The following ZFPM2 variants were observed in gnomAD, a reference collection of about 807,000 sequenced individuals.
ZFPM2 encodes zinc finger protein ZFPM2.
In ZFPM2, 20 loss-of-function variants were observed where a neutral mutation model predicts 98.6. The ratio of observed to expected loss-of-function variants is 0.20; its 90% CI spans 0.14 to 0.29. ZFPM2 has a LOEUF of 0.29. ZFPM2 is among the 10% of genes least tolerant of loss of function. ZFPM2 has a pLI of 1.00. For synonymous variants in ZFPM2, 518 were observed against 502.7 expected (o/e 1.03, Z -0.41); for missense variants, 1,310 against 1,388.6 (o/e 0.94, Z 0.90).
At chr8:105,653,810 A>G (rs557455313) in intron 5 of ZFPM2, among the ~76,000 whole-genome samples, 4 of 143,780 alleles carry the variant, frequency 2.8e-5, no homozygotes, top group South Asian at 4.6e-4. Context: ...AGAATGTTGA[A>G]AAGTTCTTCC....
intron 4 of ZFPM2, among the ~76,000 whole-genome samples, chr8:105,580,025 TA>T (rs963946474): frequency 6.6e-6 from 1 of 152,284 alleles, no homozygotes; most frequent in Admixed American, 6.5e-5. Context: ...CACACAGATG[TA>T]AAATAGTTCT....
chr8:105,324,616 G>A (rs1812083753), intron 1 of ZFPM2, among the ~76,000 whole-genome samples: 1 of 151,940 alleles, frequency 6.6e-6, no homozygotes, highest in South Asian at 2.1e-4. Context: ...TAGTATCGAT[G>A]TTTTTGTTCT....
Position 105,644,494 on chromosome 8 carries a change from GTCTC to G in ZFPM2, c.532+10145_532+10148del, listed in dbSNP as rs370652025. On this transcript the variant is annotated intron_variant, in intron 5 of 7. Coordinates refer to ENST00000407775, the MANE Select transcript of ZFPM2 (RefSeq NM_012082.4). ...CTAACTACCCTGTCTAAAATGCTCTGTCTCTCTCTCTTTCTGTTTTTCTCTCTCT... is the reference window on the plus strand; with the variant it reads ...CTAACTACCCTGTCTAAAATGCTCTGTCTCTCTTTCTGTTTTTCTCTCTCT... Among the ~76,000 whole-genome samples the G allele has an allele frequency of 2.0e-3, 299 of 151,234 alleles. 1 individual carries two copies. Among genetic ancestry groups the G allele is most frequent in the African/African-American group, 7.0e-3 (287 of 41,202 alleles).
intron 3 of ZFPM2, among the ~76,000 whole-genome samples, chr8:105,457,037 T>C (rs1812607097): frequency 6.6e-6 from 1 of 152,190 alleles, no homozygotes; most frequent in Non-Finnish European, 1.5e-5. Context: ...TTTTGTGAGG[T>C]TTATCATTTG....
intron 5 of ZFPM2, among the ~76,000 whole-genome samples, chr8:105,744,683 G>A (rs1384193998): frequency 3.3e-5 from 5 of 151,718 alleles, no homozygotes; most frequent in Admixed American, 1.3e-4. Context: ...GCCTACATCA[G>A]CTCTATTTGA....
chr8:105,413,516 A>G (rs1394871167), intron 1 of ZFPM2, among the ~76,000 whole-genome samples: 2 of 149,112 alleles, frequency 1.3e-5, no homozygotes, highest in African/African-American at 2.5e-5. Flanking sequence ...ATACACACAC[A>G]CACGCACATA....
At chr8:105,450,717 T>G (rs757219664) in intron 3 of ZFPM2, among the ~76,000 whole-genome samples, 1 of 151,980 alleles carries the variant, frequency 6.6e-6, no homozygotes, top group Non-Finnish European at 1.5e-5. Flanking sequence ...TGTGTGTGTG[T>G]GCTCACGTGT....
chr8:105,386,785 G>C (rs191614947), intron 1 of ZFPM2, among the ~76,000 whole-genome samples: 2 of 152,108 alleles, frequency 1.3e-5, no homozygotes, highest in Admixed American at 1.3e-4. Context: ...TGATTGGTCC[G>C]TTTTGACAGG....
At chr8:105,398,766 A>G (rs909109811) in intron 1 of ZFPM2, among the ~76,000 whole-genome samples, 1 of 152,158 alleles carries the variant, frequency 6.6e-6, no homozygotes, top group African/African-American at 2.4e-5. Flanking sequence ...ATGTATATAT[A>G]TACATATTGG....
intron 3 of ZFPM2, among the ~76,000 whole-genome samples, chr8:105,549,637 G>T (rs1176952368): frequency 6.8e-6 from 1 of 147,326 alleles, no homozygotes; most frequent in Non-Finnish European, 1.5e-5. Context: ...ATTGAGACAG[G>T]GGCTCACTCT....
intron 3 of ZFPM2, among the ~76,000 whole-genome samples, chr8:105,537,535 A>G (rs1290554014): frequency 6.6e-6 from 1 of 151,968 alleles, no homozygotes; most frequent in Admixed American, 6.6e-5. Flanking sequence ...CATAATAAAT[A>G]ACTTAGGCAT....
intron 1 of ZFPM2, among the ~76,000 whole-genome samples, chr8:105,381,617 C>T (rs1450888109): frequency 1.3e-5 from 2 of 152,018 alleles, no homozygotes; most frequent in African/African-American, 4.8e-5. Context: ...ACACATTTGT[C>T]CAATAACAGA....
At chr8:105,642,328 TA>T (rs1816963357) in intron 5 of ZFPM2, among the ~76,000 whole-genome samples, 1 of 152,174 alleles carries the variant, frequency 6.6e-6, no homozygotes, top group Non-Finnish European at 1.5e-5. Flanking sequence ...TGTGAAATTA[TA>T]AAGATATTTC....
intron 5 of ZFPM2, chr8:105,684,962 CT>C (rs1300501780): frequency 6.6e-6 from 1 of 152,054 alleles, no homozygotes; most frequent in Non-Finnish European, 1.5e-5. Context: ...TTAGTAATAA[CT>C]TTATCATTCA....
chr8:105,582,167 T>C (rs544444646), intron 4 of ZFPM2, among the ~76,000 whole-genome samples: 3 of 152,338 alleles, frequency 2.0e-5, no homozygotes, highest in Admixed American at 2.0e-4. Context: ...ACCATAATTT[T>C]ACTGACCAAT....
intron 3 of ZFPM2, among the ~76,000 whole-genome samples, chr8:105,446,032 T>G (rs1812362938): frequency 6.6e-6 from 1 of 151,872 alleles, no homozygotes; most frequent in African/African-American, 2.4e-5. Context: ...GCGATTCTCC[T>G]GCCTCAGCCT....
intron 3 of ZFPM2, among the ~76,000 whole-genome samples, chr8:105,543,830 A>T (rs1814632899): frequency 6.6e-6 from 1 of 152,196 alleles, no homozygotes; most frequent in Admixed American, 6.5e-5. Flanking sequence ...ATTATTAGAC[A>T]TGATACTTTC....
chr8:105,347,693 A>C (rs1255865159), intron 1 of ZFPM2, among the ~76,000 whole-genome samples: 2 of 152,256 alleles, frequency 1.3e-5, no homozygotes, highest in East Asian at 1.9e-4. Context: ...GCCCTACCGC[A>C]CAGTTGGTTT....
intron 7 of ZFPM2, among the ~76,000 whole-genome samples, chr8:105,799,171 A>C (rs916026500): frequency 3.3e-5 from 5 of 152,326 alleles, no homozygotes; most frequent in African/African-American, 1.2e-4. Flanking sequence ...TCAGAGGCCA[A>C]ATCATTCTAT....
Sources: gnomAD v4.1 joint callset for allele counts (sites outside exome capture counted in the v4.1 genomes callset) on GRCh38, gnomAD v4.1.1 for gene constraint, MANE v1.5 for transcripts, NCBI Gene and HGNC (gene_info 2026-07-23, HGNC 2026-07-21) for gene names.